The following GRIP1 variants were observed in gnomAD, a reference collection of about 807,000 sequenced individuals.
GRIP1 encodes the protein glutamate receptor-interacting protein 1.
In GRIP1, 45 loss-of-function variants were observed where a neutral mutation model predicts 129.9. That is an observed-to-expected ratio of 0.35 (90% CI 0.27 to 0.44). The LOEUF (loss-of-function observed/expected upper bound fraction) is 0.44, where lower values mean the gene tolerates loss of function less well. Among genes scored for constraint, GRIP1 ranks in the 20% least tolerant of loss-of-function variants. The pLI is 1.00. For missense variants in GRIP1, 1,196 were observed against 1,396.8 expected, an observed-to-expected ratio of 0.86 and a Z score of 2.29; for synonymous variants, 530 against 520.8, an observed-to-expected ratio of 1.02 and a Z score of -0.24.
chr12:66,991,465 A>G (rs1336936690), intron 1 of GRIP1, among the ~76,000 whole-genome samples: 4 of 152,224 alleles, frequency 2.6e-5, no homozygotes, highest in Non-Finnish European at 5.9e-5. Flanking sequence ...CCTATAGCTG[A>G]GTAAGGAAAA....
intron 1 of GRIP1, among the ~76,000 whole-genome samples, chr12:66,961,462 C>T (rs1592396640): frequency 6.6e-6 from 1 of 152,214 alleles, no homozygotes; most frequent in South Asian, 2.1e-4. Context: ...CAGCTTGCTC[C>T]AGAAACAATG....
At chr12:66,968,420 C>T (rs12828957) in intron 1 of GRIP1, among the ~76,000 whole-genome samples, 31,663 of 151,682 alleles carry the variant, frequency 0.21, 3,972 homozygotes, top group East Asian at 0.29. Flanking sequence ...TCTTATTTTG[C>T]CTTCTCTTGC....
intron 1 of GRIP1, among the ~76,000 whole-genome samples, chr12:66,695,956 G>T (rs1191074433): frequency 3.3e-5 from 5 of 152,112 alleles, no homozygotes; most frequent in African/African-American, 1.2e-4. Context: ...GTCTGTCCAT[G>T]GTGGAGCAGG....
intron 2 of GRIP1, among the ~76,000 whole-genome samples, chr12:66,585,310 A>G (rs2063584511): frequency 8.3e-6 from 1 of 121,058 alleles, no homozygotes; most frequent in African/African-American, 3.2e-5. Flanking sequence ...TGTCCATATG[A>G]TCTCATTGTT....
intron 1 of GRIP1, among the ~76,000 whole-genome samples, chr12:66,929,480 C>G (rs531236929): frequency 2.5e-4 from 38 of 152,210 alleles, no homozygotes; most frequent in Non-Finnish European, 5.4e-4. Context: ...AGTAAAGGAA[C>G]AGATCATTTC....
intron 20 of GRIP1, 112 bp from the exon 21 acceptor site, chr12:66,377,397 G>T (rs1302990876): frequency 2.0e-5 from 15 of 756,070 alleles, no homozygotes; most frequent in Non-Finnish European, 3.3e-5. Context: ...GCGCAATCTC[G>T]GCTCACTGCA....
chr12:67,022,424 C>T (rs1445581565), intron 1 of GRIP1, among the ~76,000 whole-genome samples: 2 of 152,132 alleles, frequency 1.3e-5, no homozygotes, highest in African/African-American at 2.4e-5. Flanking sequence ...TTTATGTACA[C>T]ATGCTTTTAT....
intron 1 of GRIP1, among the ~76,000 whole-genome samples, chr12:66,882,178 C>T (rs546817231): frequency 2.1e-5 from 3 of 145,760 alleles, no homozygotes; most frequent in Admixed American, 7.0e-5. Context: ...CCCTATTGCC[C>T]GTGCCCCATG....
intron 1 of GRIP1, among the ~76,000 whole-genome samples, chr12:66,903,924 C>G (rs1414740493): frequency 6.6e-6 from 1 of 152,130 alleles, no homozygotes. Flanking sequence ...TTTTACTCAG[C>G]CAAGCAAAGG....
At chr12:66,556,286 C>T (rs1205161589) in intron 2 of GRIP1, among the ~76,000 whole-genome samples, 2 of 151,794 alleles carry the variant, frequency 1.3e-5, no homozygotes, top group African/African-American at 4.8e-5. Flanking sequence ...ATTTAAAGTA[C>T]TGAAAGAAAA....
chr12:66,852,390 G>C (rs1338121388), intron 1 of GRIP1, among the ~76,000 whole-genome samples: 1 of 151,736 alleles, frequency 6.6e-6, no homozygotes, highest in Non-Finnish European at 1.5e-5. Context: ...TTTAGAATGA[G>C]ATTCGAGTAG....
At chr12:66,392,614 C>A in intron 18 of GRIP1, 63 bp downstream of exon 18, 1 of 1,586,960 alleles carries the variant, frequency 6.3e-7, no homozygotes. Context: ...GACACTAGCA[C>A]ATTCTTTCAA....
At chr12:66,368,765 A>G (rs2055298930) in intron 23 of GRIP1, among the ~76,000 whole-genome samples, 1 of 152,188 alleles carries the variant, frequency 6.6e-6, no homozygotes, top group Admixed American at 6.5e-5. Flanking sequence ...TCATGACATT[A>G]GGTAGTCTTT....
intron 2 of GRIP1, among the ~76,000 whole-genome samples, chr12:66,590,168 C>T (rs1315392017): frequency 1.3e-5 from 2 of 152,144 alleles, no homozygotes; most frequent in African/African-American, 4.8e-5. Flanking sequence ...GACCAAGTGC[C>T]ACCTCTCCTG....
rs375585598 is a variant in GRIP1, at chr12:66,432,683, CA to C, written c.1688-56del. On this transcript the variant is annotated intron_variant, in intron 13 of 24. Coordinates refer to ENST00000359742, the MANE Select transcript of GRIP1 (RefSeq NM_001366722.1). The stretch of plus-strand genomic sequence containing the variant: ...ATAGAACACTGAGGACTGGAGCACC[CA>C]TCAATAAAAATGCATTAGGAATACT... The C allele has an allele frequency of 3.1e-4, 304 of 981,564 alleles. 1 individual carries two copies. In the African/African-American group the frequency reaches 4.2e-3, roughly 14 times the overall value. 60.8% of individuals were successfully genotyped at this position (981,564 alleles called of 1,614,324 possible). A position where few individuals can be genotyped will look rare whatever the true frequency, so the allele number is the denominator to read the frequency against.
At chr12:66,980,656 T>C (rs989397588) in intron 1 of GRIP1, among the ~76,000 whole-genome samples, 3 of 152,166 alleles carry the variant, frequency 2.0e-5, no homozygotes, top group African/African-American at 7.2e-5. Flanking sequence ...ACAACAACTC[T>C]GTGAAATAAA....
At chr12:66,622,012 A>G (rs2065289293) in intron 1 of GRIP1, among the ~76,000 whole-genome samples, 1 of 152,138 alleles carries the variant, frequency 6.6e-6, no homozygotes. Context: ...CAGATATATG[A>G]TCTGCAAATA....
chr12:66,859,274 AACAAAAAAACAAAAAAACAAAAAAAC>A (rs1566054555), intron 1 of GRIP1, among the ~76,000 whole-genome samples: 2,273 of 13,214 alleles, frequency 0.17, 211 homozygotes, highest in South Asian at 0.36. Context: ...AAAACAAAAA[AACAAAAAAACAAAAAAACAAAAAAAC>A]AAAAAAAAAC....
At chr12:66,522,647 C>G (rs367702075) in intron 5 of GRIP1, among the ~76,000 whole-genome samples, 1 of 152,200 alleles carries the variant, frequency 6.6e-6, no homozygotes, top group Non-Finnish European at 1.5e-5. Flanking sequence ...TCCAAAGGAA[C>G]GCAGCTCCTC....
Sources: gnomAD v4.1 joint callset for allele counts (sites outside exome capture counted in the v4.1 genomes callset) on GRCh38, gnomAD v4.1.1 for gene constraint, MANE v1.5 for transcripts, NCBI Gene and HGNC (gene_info 2026-07-23, HGNC 2026-07-21) for gene names.